TOP2B: variants seen among roughly 807,000 people sequenced by gnomAD.
TOP2B encodes DNA topoisomerase 2-beta.
Under a neutral mutation model 193.5 loss-of-function variants are expected in TOP2B, and 51 were observed. That is an observed-to-expected ratio of 0.26 (90% CI 0.21 to 0.33). TOP2B has a LOEUF of 0.33. TOP2B is among the 10% of genes least tolerant of loss of function. The pLI, the probability that TOP2B is intolerant of heterozygous loss-of-function variation, is 1.00. For synonymous variants in TOP2B, 634 were observed against 635.7 expected, an observed-to-expected ratio of 1.00 and a Z score of 0.04; for missense variants, 1,378 against 1,909.3, an observed-to-expected ratio of 0.72 and a Z score of 5.19.
chr3:25,630,525 G>A, intron 11 of TOP2B, 56 bp from the exon 12 acceptor site: 1 of 1,363,244 alleles, frequency 7.3e-7, no homozygotes, highest in Non-Finnish European at 9.9e-7. Flanking sequence ...TCACTGATGA[G>A]AAAAATGAAG....
At chr3:25,599,685 A>G (rs1488559956) in intron 34 of TOP2B, among the ~76,000 whole-genome samples, 156 bp from the exon 35 acceptor site, 1 of 152,262 alleles carries the variant, frequency 6.6e-6, no homozygotes. Context: ...ATTTGGCAGT[A>G]GCATTTCAAT....
rs1334572390 is a variant in TOP2B at position 25,658,060 on chromosome 3, C to CAAAAA, written c.69+6164_69+6168dup. ...TGGGCGACAGAGCGAGACTCCGTCTCAAAAAAAAAAAAAAAAAATTAGCTG... is the reference window on the plus strand; with the variant it reads ...TGGGCGACAGAGCGAGACTCCGTCTCAAAAAAAAAAAAAAAAAAAAAAATTAGCTG... On this transcript the variant is annotated intron_variant, in intron 1 of 35. Transcript: ENST00000264331. Among the ~76,000 whole-genome samples the CAAAAA allele has an allele frequency of 6.7e-5, 3 of 44,770 alleles. 1 individual carries two copies. Among genetic ancestry groups the CAAAAA allele is most frequent in the African/African-American group, 3.8e-4 (3 of 7,918 alleles). 29.4% of individuals were successfully genotyped at this position (44,770 alleles called of 152,430 possible).
intron 8 of TOP2B, among the ~76,000 whole-genome samples, 161 bp downstream of exon 8, chr3:25,633,680 C>T (rs1703023343): frequency 6.6e-6 from 1 of 152,090 alleles, no homozygotes; most frequent in East Asian, 1.9e-4. Context: ...TTTAATACAG[C>T]AATTTCATAG....
intron 1 of TOP2B, among the ~76,000 whole-genome samples, chr3:25,646,819 C>T (rs891897770): frequency 8.6e-5 from 13 of 151,902 alleles, no homozygotes; most frequent in South Asian, 2.1e-4. Flanking sequence ...AAAGTCTAAA[C>T]GAAGATAAGA....
Position 25,624,746 on chromosome 3 carries a change from C to A in TOP2B, c.2282G>T (p.Arg761Leu). The A allele has an allele frequency of 6.2e-7, 1 of 1,613,768 alleles. No individual in the cohort carries two copies. Among genetic ancestry groups the A allele is most frequent in the Non-Finnish European group, 8.5e-7 (1 of 1,179,748 alleles). ...AGCCAACTGGGCAACTTTTACTTCA[C>A]GTTTATCATTCCTCTTGAAACAGGT... ...LFTCFKRNDKREVKVAQLAGS... is the reference protein window; with the variant it reads ...LFTCFKRNDKLEVKVAQLAGS... The change falls in exon 19 of 36, where the codon CGT becomes CTT. Residue 761 changes from arginine (R) to leucine (L), a missense_variant. By Grantham distance (102) the Arg-to-Leu change is moderately radical (BLOSUM62 -2). Coordinates refer to ENST00000264331, the MANE Select transcript of TOP2B (RefSeq NM_001330700.2).
chr3:25,611,944 T>C (rs1484712895), intron 28 of TOP2B, among the ~76,000 whole-genome samples: 2 of 151,954 alleles, frequency 1.3e-5, no homozygotes, highest in African/African-American at 4.8e-5. Flanking sequence ...TTATTTTTAT[T>C]TATTTATTTT....
Position 25,664,486 on chromosome 3 carries a change from C to T in TOP2B, c.-189G>A. ...GAGCCCGCTGAGGAGGCCGCGCCGC[C>T]GGCTGCCCTCAAACTCGAGGCGCGG... On this transcript the variant is annotated 5_prime_UTR_variant, in exon 1 of 36. Transcript: ENST00000264331. 4.2e-6 allele frequency: 5 copies of T among 1,194,136 alleles called. No homozygotes were observed. Among genetic ancestry groups the T allele is most frequent in the South Asian group, 8.0e-5 (2 of 24,926 alleles). The allele number at this position is 1,194,136 out of a possible 1,614,324, so 74.0% of individuals were successfully genotyped here.
At chr3:25,653,146 C>G (rs1703642276) in intron 1 of TOP2B, among the ~76,000 whole-genome samples, 1 of 152,114 alleles carries the variant, frequency 6.6e-6, no homozygotes, top group Admixed American at 6.5e-5. Flanking sequence ...TAATCAAAAA[C>G]TTCCCAACAA....
At chr3:25,650,988 C>T (rs978365807) in intron 1 of TOP2B, among the ~76,000 whole-genome samples, 2 of 151,938 alleles carry the variant, frequency 1.3e-5, no homozygotes, top group Admixed American at 6.6e-5. Flanking sequence ...TTCTTAGTAC[C>T]GCAAACTAGA....
At chr3:25,657,704 T>C (rs1703784797) in intron 1 of TOP2B, among the ~76,000 whole-genome samples, 1 of 152,224 alleles carries the variant, frequency 6.6e-6, no homozygotes, top group African/African-American at 2.4e-5. Context: ...TAAGATATCA[T>C]GTTCTATAGC....
intron 26 of TOP2B, 54 bp downstream of exon 26, chr3:25,615,377 G>A (rs1244005043): frequency 1.3e-6 from 2 of 1,536,106 alleles, no homozygotes; most frequent in African/African-American, 1.4e-5. Context: ...AAAAGAAAAA[G>A]ATACAGATAA....
chr3:25,661,209 G>A (rs1267931675), intron 1 of TOP2B, among the ~76,000 whole-genome samples: 1 of 152,122 alleles, frequency 6.6e-6, no homozygotes, highest in Admixed American at 6.6e-5. Context: ...ATGTTGGTCA[G>A]GCTGGTCATG....
chr3:25,640,851 G>A (rs565995201), intron 4 of TOP2B, among the ~76,000 whole-genome samples: 402 of 149,442 alleles, frequency 2.7e-3, no homozygotes, highest in Non-Finnish European at 4.8e-3. Flanking sequence ...TGACCTCCCA[G>A]GCTCAAGCAA....
In TOP2B at chr3:25,618,466, T is replaced by A; in HGVS notation, c.3303A>T (p.Arg1101Ser). ...KKDLIQMLVQRGYESDPVKAW... is the reference protein window; with the variant it reads ...KKDLIQMLVQSGYESDPVKAW... ...CTTTCACTGGGTCAGATTCATAACCTCTCTGGACTAACATTTGAATCAAAT... is the reference window on the plus strand; with the variant it reads ...CTTTCACTGGGTCAGATTCATAACCACTCTGGACTAACATTTGAATCAAAT... Residue 1101 changes from arginine (R) to serine (S), a missense_variant, in exon 25 of 36, where the codon AGA becomes AGT. Arg to Ser is a moderately radical substitution (Grantham distance 110). Coordinates refer to ENST00000264331, the MANE Select transcript of TOP2B (RefSeq NM_001330700.2). The A allele has an allele frequency of 1.2e-6, 2 of 1,613,188 alleles. No individual in the cohort carries two copies.
chr3:25,599,323 CG>C, intron 35 of TOP2B, 111 bp downstream of exon 35: 1 of 859,654 alleles, frequency 1.2e-6, no homozygotes, highest in South Asian at 1.8e-5. Flanking sequence ...CATATTGATA[CG>C]AGATGCTAGG....
intron 1 of TOP2B, among the ~76,000 whole-genome samples, chr3:25,652,145 T>A (rs1409953370): frequency 6.6e-6 from 1 of 152,192 alleles, no homozygotes; most frequent in African/African-American, 2.4e-5. Flanking sequence ...CAGTAAGATA[T>A]GCATCTAACA....
intron 1 of TOP2B, among the ~76,000 whole-genome samples, chr3:25,663,642 G>A (rs1336662262): frequency 2.0e-5 from 3 of 152,168 alleles, no homozygotes; most frequent in African/African-American, 7.2e-5. Context: ...CACCCTGACA[G>A]AGGGACGACC....
chr3:25,657,247 G>A (rs1703773131), intron 1 of TOP2B, among the ~76,000 whole-genome samples: 2 of 152,126 alleles, frequency 1.3e-5, no homozygotes, highest in South Asian at 4.1e-4. Flanking sequence ...CAATGTCCAG[G>A]TCACTAAAAA....
rs754886368 is a variant in TOP2B, at chr3:25,623,708, T to C, written c.2534A>G (p.Asn845Ser). ...ATCATCATAAAGGAACTTAAGGAGG[T>C]TGTCATCCACAGCAGGAAAAAGTAG... ...ARLLFPAVDD[N>S]LLKFLYDDNQ... The change falls in exon 21 of 36, where the codon AAC (asparagine) becomes AGC (serine). Residue 845 changes from asparagine to serine, a missense_variant. Asn to Ser is a conservative substitution (Grantham distance 46). Around this residue, in one of 9 missense-constraint regions of TOP2B, gnomAD observed 379 missense variants for 615.1 expected, o/e 0.62. Coordinates refer to ENST00000264331, the MANE Select transcript of TOP2B (RefSeq NM_001330700.2). 114 of 1,613,362 alleles carry C rather than the reference T, an allele frequency of 7.1e-5. No individual in the cohort carries two copies. Among genetic ancestry groups the C allele is most frequent in the Non-Finnish European group, 9.2e-5 (109 of 1,179,708 alleles).
Sources: allele counts gnomAD v4.1 joint callset (sites outside exome capture counted in the v4.1 genomes callset), GRCh38; gene constraint gnomAD v4.1.1; regional missense constraint gnomAD v4.1.1; transcripts MANE v1.5; gene names NCBI Gene and HGNC (gene_info 2026-07-23, HGNC 2026-07-21).